Variants in HTR4 observed in about 807,000 individuals in gnomAD.
HTR4 encodes the protein 5-hydroxytryptamine (serotonin) receptor 4, G protein-coupled.
Under a neutral mutation model 36.8 loss-of-function variants are expected in HTR4, and 16 were observed. The observed-to-expected ratio is 0.43, with a 90% CI of 0.29 to 0.66. The LOEUF is 0.66. Among genes scored for constraint, HTR4 ranks in the 30% least tolerant of loss-of-function variants. The pLI, the probability that HTR4 is intolerant of heterozygous loss-of-function variation, is 0.13. For synonymous variants in HTR4, 189 were observed against 185.1 expected (o/e 1.02, Z -0.17); for missense variants, 438 against 490.9 (o/e 0.89, Z 1.02).
intron 2 of HTR4, among the ~76,000 whole-genome samples, chr5:148,609,003 G>T (rs1483991355): frequency 6.6e-6 from 1 of 152,124 alleles, no homozygotes; most frequent in East Asian, 1.9e-4. Context: ...ACAAGGGACT[G>T]GTTCATCTCA....
At chr5:148,580,037 G>A (rs141241254) in intron 2 of HTR4, among the ~76,000 whole-genome samples, 1 of 152,118 alleles carries the variant, frequency 6.6e-6, no homozygotes, top group East Asian at 1.9e-4. Context: ...GAGTATGTAT[G>A]TACTCCAGGG....
At chr5:148,591,448 T>G (rs1341074162) in intron 2 of HTR4, among the ~76,000 whole-genome samples, 1 of 152,236 alleles carries the variant, frequency 6.6e-6, no homozygotes, top group Non-Finnish European at 1.5e-5. Flanking sequence ...GTGATACTGA[T>G]TCTTCCTATC....
intron 6 of HTR4, among the ~76,000 whole-genome samples, chr5:148,507,489 G>A (rs145962143): frequency 0.012 from 1,797 of 151,290 alleles, 34 homozygotes; most frequent in African/African-American, 0.042. Context: ...AAACCTGCAC[G>A]TTGTGGACAT....
At chr5:148,635,117 T>C (rs540823742) in intron 2 of HTR4, among the ~76,000 whole-genome samples, 2 of 152,286 alleles carry the variant, frequency 1.3e-5, no homozygotes, top group Non-Finnish European at 2.9e-5. Flanking sequence ...GAAATATTTT[T>C]CACTATTATA....
At chr5:148,536,239 C>G (rs1758819300) in intron 4 of HTR4, among the ~76,000 whole-genome samples, 1 of 152,006 alleles carries the variant, frequency 6.6e-6, no homozygotes, top group Non-Finnish European at 1.5e-5. Flanking sequence ...GAAAGGAGCA[C>G]TAAATATAGA....
At chr5:148,562,907 T>A (rs1378072006) in intron 2 of HTR4, among the ~76,000 whole-genome samples, 2 of 152,208 alleles carry the variant, frequency 1.3e-5, no homozygotes, top group Non-Finnish European at 2.9e-5. Flanking sequence ...TCCTACTACA[T>A]CATGCTTCAC....
intron 2 of HTR4, among the ~76,000 whole-genome samples, chr5:148,613,969 T>TA (rs1349678144): frequency 1.3e-5 from 2 of 151,436 alleles, no homozygotes; most frequent in Non-Finnish European, 3.0e-5. Flanking sequence ...GAATCCAACT[T>TA]ACAAGGGATG....
intron 4 of HTR4, among the ~76,000 whole-genome samples, chr5:148,525,290 A>C (rs1023365579): frequency 2.6e-5 from 4 of 152,188 alleles, no homozygotes; most frequent in Admixed American, 6.5e-5. Flanking sequence ...TTATTAACAT[A>C]GAATTAATGA....
chr5:148,521,095 G>C (rs538302148), intron 5 of HTR4: 3 of 1,180,186 alleles, frequency 2.5e-6, no homozygotes, highest in African/African-American at 1.6e-5. Context: ...CGATGTATCC[G>C]GGGACCACTT....
At chr5:148,641,952 G>A (rs189677213) in intron 1 of HTR4, among the ~76,000 whole-genome samples, 1 of 152,284 alleles carries the variant, frequency 6.6e-6, no homozygotes, top group African/African-American at 2.4e-5. Context: ...AAATATCGAT[G>A]TAGTCTGGTA....
At chr5:148,511,430 G>C (rs1482350557) in intron 5 of HTR4, among the ~76,000 whole-genome samples, 1 of 151,702 alleles carries the variant, frequency 6.6e-6, no homozygotes, top group Non-Finnish European at 1.5e-5. Flanking sequence ...CACACAATCT[G>C]TATCTTCTTT....
intron 2 of HTR4, among the ~76,000 whole-genome samples, chr5:148,623,347 C>T (rs1287537549): frequency 6.6e-6 from 1 of 152,064 alleles, no homozygotes; most frequent in Non-Finnish European, 1.5e-5. Flanking sequence ...GCCAAGGCCT[C>T]TCCACAGAGA....
chr5:148,653,300 A>G (rs1389003951), intron 1 of HTR4, among the ~76,000 whole-genome samples: 1 of 152,134 alleles, frequency 6.6e-6, no homozygotes, highest in East Asian at 1.9e-4. Flanking sequence ...TTCTCTTAAC[A>G]TTGAACTCTA....
At chr5:148,491,791 G>A (rs1198320237) in intron 6 of HTR4, among the ~76,000 whole-genome samples, 1 of 152,166 alleles carries the variant, frequency 6.6e-6, no homozygotes, top group Non-Finnish European at 1.5e-5. Context: ...GGTGTTGGGA[G>A]AGGTAATGAC....
At chr5:148,643,027 T>A (rs563043074) in intron 1 of HTR4, among the ~76,000 whole-genome samples, 1 of 152,328 alleles carries the variant, frequency 6.6e-6, no homozygotes, top group South Asian at 2.1e-4. Context: ...AAATGTCATT[T>A]GAACTAAGTC....
At chr5:148,457,424 C>A (rs1755125723) in intron 5 of HTR4, among the ~76,000 whole-genome samples, 1 of 151,838 alleles carries the variant, frequency 6.6e-6, no homozygotes, top group African/African-American at 2.4e-5. Context: ...AATTCATTCA[C>A]TGAGCAATTA....
At chr5:148,476,673 A>G, downstream of HTR4, 1 of 1,593,758 alleles carries the variant, frequency 6.3e-7, no homozygotes, top group Non-Finnish European at 8.5e-7. Context: ...TCAGTGTACA[A>G]AAACCTGTGT....
intron 6 of HTR4, among the ~76,000 whole-genome samples, chr5:148,502,396 T>G (rs1162273456): frequency 6.6e-6 from 1 of 152,170 alleles, no homozygotes; most frequent in African/African-American, 2.4e-5. Flanking sequence ...GGTTCTGGAG[T>G]GTTAACTCCA....
intron 5 of HTR4, among the ~76,000 whole-genome samples, chr5:148,467,710 G>A (rs4597955): frequency 0.7 from 106,847 of 152,184 alleles, 39,339 homozygotes; most frequent in East Asian, 0.93. Context: ...AGCCTTGCTG[G>A]ATTAACAGTA....
Sources: gnomAD v4.1 joint callset for allele counts (sites outside exome capture counted in the v4.1 genomes callset) on GRCh38, gnomAD v4.1.1 for gene constraint, MANE v1.5 for transcripts, NCBI Gene and HGNC (gene_info 2026-07-23, HGNC 2026-07-21) for gene names.